Variants in SHANK2 observed in about 807,000 individuals in gnomAD.
SHANK2 encodes the protein SH3 and multiple ankyrin repeat domains 2.
SHANK2 carries 43 observed loss-of-function variants against 133.7 expected under a neutral mutation model. The observed-to-expected ratio is 0.32, with a 90% CI of 0.25 to 0.41. The LOEUF is 0.41. Ranked by LOEUF, SHANK2 falls within the 10% of genes least tolerant of loss-of-function variation. The pLI, the probability that SHANK2 is intolerant of heterozygous loss-of-function variation, is 1.00. For missense variants in SHANK2, 1,994 were observed against 2,235.8 expected, an observed-to-expected ratio of 0.89 and a Z score of 2.18; for synonymous variants, 1,017 against 952.8, an observed-to-expected ratio of 1.07 and a Z score of -1.24.
intron 11 of SHANK2, among the ~76,000 whole-genome samples, chr11:70,824,785 G>A (rs529934783): frequency 1.2e-4 from 19 of 152,346 alleles, no homozygotes; most frequent in Non-Finnish European, 1.0e-4. Flanking sequence ...CGGGTGATCC[G>A]GGAACTGCCT....
At chr11:71,227,843 C>G (rs1191905725) in intron 1 of SHANK2, among the ~76,000 whole-genome samples, 1 of 151,868 alleles carries the variant, frequency 6.6e-6, no homozygotes, top group African/African-American at 2.4e-5. Flanking sequence ...GTTCCTACCT[C>G]AAGAAGCTAG....
intron 9 of SHANK2, among the ~76,000 whole-genome samples, chr11:71,061,373 G>A (rs1298291745): frequency 1.3e-5 from 2 of 152,212 alleles, no homozygotes; most frequent in Non-Finnish European, 2.9e-5. Context: ...AAATGACCAC[G>A]CTGGCAGGAT....
chr11:70,727,818 C>T (rs1946207158), intron 14 of SHANK2, among the ~76,000 whole-genome samples: 2 of 152,292 alleles, frequency 1.3e-5, no homozygotes, highest in African/African-American at 4.8e-5. Flanking sequence ...CTCTGTTCCC[C>T]CAAGACGCTG....
At chr11:70,922,377 CAT>C in intron 10 of SHANK2, among the ~76,000 whole-genome samples, 1 of 152,146 alleles carries the variant, frequency 6.6e-6, no homozygotes, top group East Asian at 1.9e-4. Flanking sequence ...ACTGACAAAA[CAT>C]GTAAAACCAC....
At chr11:70,666,114 C>T (rs1487669796) in intron 15 of SHANK2, among the ~76,000 whole-genome samples, 3 of 152,052 alleles carry the variant, frequency 2.0e-5, no homozygotes, top group Non-Finnish European at 4.4e-5. Context: ...TACAGGGTTT[C>T]GAGTAAAAAG....
In SHANK2 at chr11:70,738,514, C is replaced by T. The variant is rs908564282; in HGVS notation, c.1778-39751G>A. ...TCGTGTGCGGGGAGCAAGTGCATTC[C>T]CAGGGCCCATTGCAGGGAAGTCCCC... On this transcript the variant is annotated intron_variant, in intron 14 of 25. Coordinates refer to ENST00000601538, the MANE Select transcript of SHANK2 (RefSeq NM_012309.5). 3.9e-5 allele frequency among the ~76,000 whole-genome samples: 6 copies of T among 152,354 alleles called. No homozygotes were observed. The East Asian group carries it at 9.7e-4, about 25-fold the overall frequency.
chr11:71,142,827 G>T lies in SHANK2; in HGVS notation c.207+4293C>A, dbSNP rs558197194. 2.1e-5 allele frequency among the ~76,000 whole-genome samples: 3 copies of T among 141,978 alleles called. No individual in the cohort carries two copies. The East Asian group carries it at 5.9e-4, about 28-fold the overall frequency. 93.1% of individuals were successfully genotyped at this position (141,978 alleles called of 152,430 possible). A position where few individuals can be genotyped will look rare whatever the true frequency, so the allele number is the denominator to read the frequency against. On this transcript the variant is annotated intron_variant, in intron 3 of 25. Coordinates refer to ENST00000601538, the MANE Select transcript of SHANK2 (RefSeq NM_012309.5). ...GAATCTAGTCCAAAAAAAAAAAAAA[G>T]TCACCTATGAGATGGAAAAAATAAA...
rs112708188 is a variant in SHANK2 at position 70,662,688 on chromosome 11, A to ATT, written c.1854-1012_1854-1011dup. 3.0e-3 allele frequency among the ~76,000 whole-genome samples: 439 copies of ATT among 145,728 alleles called. 1 individual carries two copies. The highest frequency in any genetic ancestry group is 9.8e-3 in the African/African-American group (393 of 39,996). Reference sequence around the variant, plus strand: ...ACAACTGCTTGCCTCTAGCCATGGCATTTTTTTTTTTTAAGGAAAGAAACC... The same window carrying ATT: ...ACAACTGCTTGCCTCTAGCCATGGCATTTTTTTTTTTTTTAAGGAAAGAAACC... On this transcript the variant is annotated intron_variant, in intron 15 of 25. Coordinates refer to ENST00000601538, the MANE Select transcript of SHANK2 (RefSeq NM_012309.5).
intron 10 of SHANK2, among the ~76,000 whole-genome samples, chr11:70,925,726 C>T (rs782733051): frequency 1.3e-4 from 20 of 152,270 alleles, no homozygotes; most frequent in Admixed American, 5.9e-4. Context: ...GCTTGCCTTG[C>T]CGTGTGCAGA....
At chr11:70,772,814 G>T (rs186986910) in intron 14 of SHANK2, among the ~76,000 whole-genome samples, 1 of 152,152 alleles carries the variant, frequency 6.6e-6, no homozygotes, top group African/African-American at 2.4e-5. Context: ...TTGCCCTGTC[G>T]TTTCTTTTCA....
intron 14 of SHANK2, among the ~76,000 whole-genome samples, chr11:70,729,313 C>CTACACATGTCCAGA (rs373443064): frequency 0.01 from 1,575 of 152,046 alleles, 32 homozygotes; most frequent in African/African-American, 0.035. Flanking sequence ...AGGGCTCTAT[C>CTACACATGTCCAGA]TACACATGTC....
chr11:71,248,010 G>T (rs782573548), intron 1 of SHANK2, among the ~76,000 whole-genome samples: 1 of 152,186 alleles, frequency 6.6e-6, no homozygotes, highest in Non-Finnish European at 1.5e-5. Context: ...AGCGAGCTGC[G>T]TTTCAGCCAG....
chr11:71,082,432 T>C (rs1325632798), intron 8 of SHANK2, among the ~76,000 whole-genome samples: 2 of 152,166 alleles, frequency 1.3e-5, no homozygotes, highest in African/African-American at 2.4e-5. Context: ...CACAGTACAC[T>C]AGAAAAACCT....
chr11:70,647,522 A>G (rs536098093), intron 17 of SHANK2: 1 of 152,352 alleles, frequency 6.6e-6, no homozygotes, highest in South Asian at 2.1e-4. Context: ...TGGCCTCCTC[A>G]TGCAGAGAAA....
chr11:70,817,751 TTGAGATGGAGTCTCGCTCTGTCAC>T (rs1196786554), intron 12 of SHANK2, among the ~76,000 whole-genome samples: 1 of 152,198 alleles, frequency 6.6e-6, no homozygotes, highest in Non-Finnish European at 1.5e-5. Flanking sequence ...GGACCCTTTT[TTGAGATGGAGTCTCGCTCTGTCAC>T]TCAGGCCGGA....
At chr11:70,489,647 C>T in intron 23 of SHANK2, 1 of 487,452 alleles carries the variant, frequency 2.1e-6, no homozygotes, top group Admixed American at 3.5e-5. Flanking sequence ...TAGCTTCTAC[C>T]AGAATTGACA....
At chr11:70,529,810 G>A (rs1364063567) in intron 17 of SHANK2, among the ~76,000 whole-genome samples, 7 of 152,114 alleles carry the variant, frequency 4.6e-5, no homozygotes, top group African/African-American at 7.2e-5. Context: ...CATGCCTGGC[G>A]TCTTTCACCT....
intron 6 of SHANK2, among the ~76,000 whole-genome samples, chr11:71,097,482 C>T (rs1447423203): frequency 6.6e-6 from 1 of 152,224 alleles, no homozygotes; most frequent in Non-Finnish European, 1.5e-5. Context: ...TAAAAATAGA[C>T]TGGAACCTCA....
chr11:70,518,592 A>G (rs2059293782), intron 17 of SHANK2, among the ~76,000 whole-genome samples: 1 of 152,230 alleles, frequency 6.6e-6, no homozygotes, highest in African/African-American at 2.4e-5. Context: ...CATTTGCTGA[A>G]GAAACCGAGT....
Sources: allele counts gnomAD v4.1 joint callset (sites outside exome capture counted in the v4.1 genomes callset), GRCh38; gene constraint gnomAD v4.1.1; transcripts MANE v1.5; gene names NCBI Gene and HGNC (gene_info 2026-07-23, HGNC 2026-07-21).